PLA2G4C: variants seen among roughly 807,000 people sequenced by gnomAD.
PLA2G4C encodes the protein phospholipase A2 group IVC, also known as cytosolic phospholipase A2 gamma.
In PLA2G4C, 64 loss-of-function variants were observed where a neutral mutation model predicts 73.8. The observed-to-expected ratio is 0.87, with a 90% CI of 0.71 to 1.07. The LOEUF is 1.07. Among genes scored for constraint, PLA2G4C ranks in the 50% least tolerant of loss-of-function variants. The pLI, the probability that PLA2G4C is intolerant of heterozygous loss-of-function variation, is 0.00. For synonymous variants in PLA2G4C, 254 were observed against 252.1 expected, an observed-to-expected ratio of 1.01 and a Z score of -0.07; for missense variants, 622 against 665.4, an observed-to-expected ratio of 0.93 and a Z score of 0.72.
chr19:48,102,563 T>A (rs950296567), intron 4 of PLA2G4C, among the ~76,000 whole-genome samples: 11 of 152,170 alleles, frequency 7.2e-5, no homozygotes, highest in Non-Finnish European at 1.6e-4. Flanking sequence ...TCATGTTACA[T>A]AGCTCTACTT....
chr19:48,050,964 G>A (rs1041339108), intron 16 of PLA2G4C, among the ~76,000 whole-genome samples: 28 of 152,002 alleles, frequency 1.8e-4, no homozygotes, highest in African/African-American at 5.3e-4. Flanking sequence ...TGTGAGCCAC[G>A]GCTCCTGGCC....
chr19:48,060,767 G>A (rs184924700), intron 14 of PLA2G4C, among the ~76,000 whole-genome samples: 2 of 152,234 alleles, frequency 1.3e-5, no homozygotes, highest in East Asian at 1.9e-4. Context: ...TGGGCCAAGG[G>A]TCTAGAAAGA....
intron 4 of PLA2G4C, among the ~76,000 whole-genome samples, chr19:48,103,031 T>C (rs2031993546): frequency 6.6e-6 from 1 of 152,142 alleles, no homozygotes; most frequent in Non-Finnish European, 1.5e-5. Flanking sequence ...TGTTGAAATA[T>C]AAGGCTTTCG....
chr19:48,095,705 AC>A, intron 6 of PLA2G4C, 101 bp from the exon 7 acceptor site: 2 of 1,227,412 alleles, frequency 1.6e-6, no homozygotes, highest in Non-Finnish European at 2.4e-6. Context: ...TACAACCATG[AC>A]AGGAGAATGT....
chr19:48,058,680 T>G (rs1968054487), intron 14 of PLA2G4C, among the ~76,000 whole-genome samples: 1 of 151,634 alleles, frequency 6.6e-6, no homozygotes, highest in Non-Finnish European at 1.5e-5. Flanking sequence ...TAGCCGGGCA[T>G]GGTGGCGGGC....
At chr19:48,095,389 G>T in intron 7 of PLA2G4C, 75 bp downstream of exon 7, 1 of 1,411,192 alleles carries the variant, frequency 7.1e-7, no homozygotes, top group Non-Finnish European at 9.9e-7. Flanking sequence ...GGGCAAACTA[G>T]ACCCTCAGAA....
chr19:48,081,579 G>C (rs936257640), intron 10 of PLA2G4C, among the ~76,000 whole-genome samples: 2 of 151,564 alleles, frequency 1.3e-5, no homozygotes, highest in South Asian at 4.2e-4. Context: ...GCAACATGGA[G>C]AAACCCTGTC....
chr19:48,064,808 AC>A (rs1211522548), intron 13 of PLA2G4C: 3 of 152,216 alleles, frequency 2.0e-5, no homozygotes, highest in African/African-American at 7.2e-5. Context: ...TGGAGCAAAG[AC>A]CATACGAGGA....
At chr19:48,081,052 C>T (rs2030530530) in intron 10 of PLA2G4C, among the ~76,000 whole-genome samples, 1 of 149,452 alleles carries the variant, frequency 6.7e-6, no homozygotes, top group Non-Finnish European at 1.5e-5. Flanking sequence ...GTAGTCCCAG[C>T]TACTCAGGAG....
intron 7 of PLA2G4C, among the ~76,000 whole-genome samples, chr19:48,091,006 C>CA (rs61146922): frequency 0.18 from 25,128 of 137,032 alleles, 2,479 homozygotes; most frequent in Non-Finnish European, 0.24. Flanking sequence ...ACCCTGACTT[C>CA]AAAAAAAAAA....
intron 10 of PLA2G4C, 112 bp downstream of exon 10, chr19:48,084,947 G>C: frequency 1.3e-6 from 1 of 759,502 alleles, no homozygotes. Context: ...AAATGTGGTT[G>C]TTAGAACCAT....
chr19:48,098,776 C>T (rs1359430037), intron 5 of PLA2G4C, among the ~76,000 whole-genome samples: 2 of 139,632 alleles, frequency 1.4e-5, no homozygotes, highest in Non-Finnish European at 3.0e-5. Context: ...GTGGTGCGTG[C>T]CTGTAGTCCC....
At chr19:48,110,345 C>CA (rs58047530) in intron 1 of PLA2G4C, 142 bp downstream of exon 1, 1,714 of 493,600 alleles carry the variant, frequency 3.5e-3, no homozygotes, top group Non-Finnish European at 4.2e-3. Flanking sequence ...GATGCTGTCT[C>CA]AAAAAAAAAT....
In PLA2G4C at chr19:48,099,655, G is replaced by A; in HGVS notation, c.447+16C>T. 1 of 1,602,488 alleles carries A rather than the reference G, an allele frequency of 6.2e-7. No homozygotes were observed. Among genetic ancestry groups the A allele is most frequent in the South Asian group, 1.1e-5 (1 of 89,928 alleles). ...CTCCTACCCCCACCCCAGGTCCCCA[G>A]CTGGGAATGACTTACTTCTCTGGTT... On this transcript the variant is annotated intron_variant, in intron 5 of 16. Transcript: ENST00000599921.
intron 9 of PLA2G4C, among the ~76,000 whole-genome samples, chr19:48,085,715 G>A (rs2122606211): frequency 6.6e-6 from 1 of 151,794 alleles, no homozygotes; most frequent in African/African-American, 2.4e-5. Context: ...GTGACGGGCT[G>A]CAGCCTATAC....
chr19:48,091,416 G>A (rs148628126), intron 7 of PLA2G4C, among the ~76,000 whole-genome samples: 2,363 of 152,076 alleles, frequency 0.016, 42 homozygotes, highest in Middle Eastern at 0.054. Context: ...TTGAACTCTT[G>A]ACCTCAAGTG....
At chr19:48,068,023 G>T in intron 12 of PLA2G4C, 137 bp from the exon 13 acceptor site, 1 of 699,518 alleles carries the variant, frequency 1.4e-6, no homozygotes, top group Non-Finnish European at 2.6e-6. Flanking sequence ...GGTCATTCAG[G>T]GCCGGCGCGT....
chr19:48,075,406 C>T (rs1164413651), intron 11 of PLA2G4C, among the ~76,000 whole-genome samples: 2 of 151,672 alleles, frequency 1.3e-5, no homozygotes, highest in Non-Finnish European at 2.9e-5. Flanking sequence ...AGGCTGGTCT[C>T]GAACTCCTGA....
chr19:48,095,354 C>T lies in PLA2G4C; in HGVS notation c.709+110G>A, dbSNP rs1258565088. The T allele has an allele frequency of 3.9e-6, 4 of 1,021,618 alleles. No individual in the cohort carries two copies. The South Asian group carries it at 4.5e-5, about 12-fold the overall frequency. The allele number at this position is 1,021,618 out of a possible 1,614,324, so 63.3% of individuals were successfully genotyped here. ...TTCTGGAAGCCTACCAAGTCCTTTT[C>T]TTTCCCCCAAGAAATTTAAGAGCTG... is the stretch of plus-strand genomic sequence containing the variant. On this transcript the variant is annotated intron_variant, in intron 7 of 16. Transcript: ENST00000599921.
Sources: allele counts gnomAD v4.1 joint callset (sites outside exome capture counted in the v4.1 genomes callset), GRCh38; gene constraint gnomAD v4.1.1; transcripts MANE v1.5; gene names NCBI Gene and HGNC (gene_info 2026-07-23, HGNC 2026-07-21).